Variants in RNLS observed in about 807,000 individuals in gnomAD.
The protein encoded by RNLS is renalase, FAD dependent amine oxidase.
RNLS carries 39 observed loss-of-function variants against 39.8 expected under a neutral mutation model. The observed-to-expected ratio is 0.98, with a 90% CI of 0.76 to 1.28. The LOEUF is 1.28. RNLS is among the 50% of genes most tolerant of loss of function. The probability of loss-of-function intolerance (pLI) is 0.00; values close to 1 mark genes in which losing one functional copy is unlikely to be tolerated. For synonymous variants in RNLS, 147 were observed against 150.7 expected, an observed-to-expected ratio of 0.98 and a Z score of 0.18; for missense variants, 410 against 413.3, an observed-to-expected ratio of 0.99 and a Z score of 0.07.
chr10:88,366,986 A>G (rs1256113740), intron 4 of RNLS, among the ~76,000 whole-genome samples: 2 of 151,948 alleles, frequency 1.3e-5, no homozygotes, highest in African/African-American at 2.4e-5. Context: ...AATTGCTAAT[A>G]AAAGTCAACT....
At chr10:88,458,448 C>A (rs1288082061) in intron 4 of RNLS, among the ~76,000 whole-genome samples, 1 of 152,162 alleles carries the variant, frequency 6.6e-6, no homozygotes, top group Non-Finnish European at 1.5e-5. Flanking sequence ...ACATTCACAC[C>A]CACCCAATCT....
At chr10:88,346,376 A>C (rs183185709) in intron 5 of RNLS, among the ~76,000 whole-genome samples, 7 of 152,268 alleles carry the variant, frequency 4.6e-5, no homozygotes, top group Admixed American at 3.9e-4. Flanking sequence ...GGTTTTACTG[A>C]CAATACTATA....
chr10:88,365,011 A>G (rs993096398), intron 4 of RNLS, among the ~76,000 whole-genome samples: 2 of 152,122 alleles, frequency 1.3e-5, no homozygotes, highest in South Asian at 2.1e-4. Flanking sequence ...TTGACAACCA[A>G]ATTGGTCCTC....
intron 4 of RNLS, among the ~76,000 whole-genome samples, chr10:88,402,967 A>T (rs1052869094): frequency 1.3e-5 from 2 of 152,088 alleles, no homozygotes; most frequent in African/African-American, 2.4e-5. Context: ...ATAGAATAAT[A>T]CAATACTATA....
chr10:88,398,923 C>A (rs1229318782), intron 4 of RNLS, among the ~76,000 whole-genome samples: 1 of 151,984 alleles, frequency 6.6e-6, no homozygotes, highest in Non-Finnish European at 1.5e-5. Flanking sequence ...ACAAAGAACT[C>A]TTATAATTCA....
downstream of RNLS, among the ~76,000 whole-genome samples, chr10:88,282,207 G>T (rs1843035959): frequency 6.6e-6 from 1 of 152,108 alleles, no homozygotes; most frequent in South Asian, 2.1e-4. Context: ...TTAACTCTCT[G>T]AAATGAAACA....
At chr10:88,216,936 G>A in the RNLS span, among the ~76,000 whole-genome samples, 4 of 152,300 alleles carry the variant, frequency 2.6e-5, no homozygotes, top group Non-Finnish European at 4.4e-5. Flanking sequence ...TTGCCCAGGC[G>A]CTGGTTAGGG....
At chr10:88,311,330 G>C (rs1241100031) in intron 6 of RNLS, among the ~76,000 whole-genome samples, 2 of 152,174 alleles carry the variant, frequency 1.3e-5, no homozygotes, top group Non-Finnish European at 2.9e-5. Flanking sequence ...TCTAGTGAAA[G>C]AAAGAGTTAA....
intron 4 of RNLS, among the ~76,000 whole-genome samples, chr10:88,502,424 T>G (rs1845556613): frequency 6.6e-6 from 1 of 152,024 alleles, no homozygotes; most frequent in African/African-American, 2.4e-5. Flanking sequence ...TTCCCAGGTT[T>G]ATCTCTCTTG....
the RNLS span, among the ~76,000 whole-genome samples, chr10:88,175,338 G>T: frequency 1.3e-5 from 2 of 151,986 alleles, no homozygotes. Flanking sequence ...TGCACTGTTA[G>T]GTTGTTTATT....
the RNLS span, among the ~76,000 whole-genome samples, chr10:88,235,898 C>T: frequency 1.3e-5 from 2 of 151,188 alleles, no homozygotes; most frequent in Admixed American, 6.6e-5. Flanking sequence ...GTGGTGCTAT[C>T]GCTGCTTACT....
In RNLS at chr10:88,342,578, A is replaced by T. The variant is rs552675501; in HGVS notation, c.700+19974T>A. Among the ~76,000 whole-genome samples the T allele has an allele frequency of 2.0e-5, 3 of 152,320 alleles. No homozygotes were observed. In the East Asian group the frequency reaches 5.8e-4, roughly 29 times the overall value. On this transcript the variant is annotated intron_variant, in intron 5 of 6. Coordinates refer to ENST00000331772, the MANE Select transcript of RNLS (RefSeq NM_001031709.3). ...CTTAATTCATGGACCTTACAACTTG[A>T]AGGTAAAACAGGCATTAAACACATA...
chr10:88,560,467 A>G (rs996026929), intron 4 of RNLS, among the ~76,000 whole-genome samples: 1 of 152,158 alleles, frequency 6.6e-6, no homozygotes, highest in Non-Finnish European at 1.5e-5. Flanking sequence ...CCCACAGCCC[A>G]GGCAATATAG....
At chr10:88,248,225 A>G in the RNLS span, among the ~76,000 whole-genome samples, 1 of 152,224 alleles carries the variant, frequency 6.6e-6, no homozygotes, top group Admixed American at 6.5e-5. Flanking sequence ...TTACGTATCT[A>G]GAGTCTTCGT....
intron 4 of RNLS, among the ~76,000 whole-genome samples, chr10:88,513,959 G>A (rs1019107922): frequency 2.6e-5 from 4 of 151,756 alleles, no homozygotes; most frequent in African/African-American, 9.7e-5. Flanking sequence ...TTTTTTTCAT[G>A]TTTAATAACT....
chr10:88,462,727 C>T (rs80248214), intron 4 of RNLS, among the ~76,000 whole-genome samples: 26,995 of 151,776 alleles, frequency 0.18, 2,866 homozygotes, highest in Non-Finnish European at 0.25. Flanking sequence ...GAGAATGCTG[C>T]CTTCTAAATA....
chr10:88,558,206 G>A (rs1357808559), intron 4 of RNLS, among the ~76,000 whole-genome samples: 4 of 152,078 alleles, frequency 2.6e-5, no homozygotes, highest in Admixed American at 6.6e-5. Flanking sequence ...AAGGTATACC[G>A]CTCCAATTAC....
chr10:88,208,226 A>G, the RNLS span, among the ~76,000 whole-genome samples: 2 of 152,014 alleles, frequency 1.3e-5, no homozygotes, highest in African/African-American at 4.8e-5. Flanking sequence ...CCTGCCTTTA[A>G]GTCCTTCTGT....
intron 5 of RNLS, 45 bp downstream of exon 5, chr10:88,362,507 C>T (rs1288410099): frequency 1.9e-5 from 29 of 1,544,186 alleles, no homozygotes; most frequent in Non-Finnish European, 2.6e-5. Flanking sequence ...ATGATCTACA[C>T]CCACCATTGT....
Sources: gnomAD v4.1 joint callset for allele counts (sites outside exome capture counted in the v4.1 genomes callset) on GRCh38, gnomAD v4.1.1 for gene constraint, MANE v1.5 for transcripts, NCBI Gene and HGNC (gene_info 2026-07-23, HGNC 2026-07-21) for gene names.